PRSS3: variants seen among roughly 807,000 people sequenced by gnomAD.
The protein encoded by PRSS3 is serine protease 3, also known as trypsin-3.
A neutral mutation model predicts 20.8 loss-of-function variants in PRSS3; 14 were observed. That is an observed-to-expected ratio of 0.67 (90% CI 0.44 to 1.05). PRSS3 has a LOEUF of 1.05. Ranked by LOEUF, PRSS3 falls within the 50% of genes least tolerant of loss-of-function variation. The pLI is 0.00. For synonymous variants in PRSS3, 91 were observed against 117.6 expected (o/e 0.77, Z 1.46); for missense variants, 237 against 306.4 (o/e 0.77, Z 1.69).
chr9:33,757,762 C>T (rs1823019306), intron 1 of PRSS3, among the ~76,000 whole-genome samples: 1 of 152,142 alleles, frequency 6.6e-6, no homozygotes, highest in Admixed American at 6.5e-5. Context: ...CTTAAATTGA[C>T]CCTATTATCT....
chr9:33,781,415 T>C (rs1337795935), intron 1 of PRSS3, among the ~76,000 whole-genome samples: 2 of 152,126 alleles, frequency 1.3e-5, no homozygotes, highest in African/African-American at 4.8e-5. Flanking sequence ...CCTAAGTAAA[T>C]TAATGCAGGA....
At chr9:33,778,093 A>C (rs1187802958) in intron 1 of PRSS3, among the ~76,000 whole-genome samples, 1 of 152,140 alleles carries the variant, frequency 6.6e-6, no homozygotes, top group Non-Finnish European at 1.5e-5. Context: ...CATTTTAAAA[A>C]ATCTATTTGA....
intron 1 of PRSS3, among the ~76,000 whole-genome samples, chr9:33,764,002 G>T (rs981028035): frequency 6.6e-6 from 1 of 152,096 alleles, no homozygotes; most frequent in South Asian, 2.1e-4. Flanking sequence ...ATTTTTATGT[G>T]AATCATAATA....
chr9:33,781,974 C>T (rs537828805), intron 1 of PRSS3, among the ~76,000 whole-genome samples: 4 of 152,172 alleles, frequency 2.6e-5, no homozygotes, highest in African/African-American at 4.8e-5. Context: ...CAGTCAAGGA[C>T]CCCCTGGCTG....
chr9:33,751,020 G>A (rs1021035887), intron 1 of PRSS3, among the ~76,000 whole-genome samples: 1 of 152,146 alleles, frequency 6.6e-6, no homozygotes, highest in African/African-American at 2.4e-5. Context: ...CCGCCCCCGA[G>A]TGCCTATGTC....
chr9:33,781,175 A>G (rs1028718061), intron 1 of PRSS3, among the ~76,000 whole-genome samples: 6 of 152,246 alleles, frequency 3.9e-5, no homozygotes, highest in African/African-American at 1.4e-4. Flanking sequence ...TCCACCTAGC[A>G]ATCCCATTAT....
intron 3 of PRSS3, 80 bp from the exon 4 acceptor site, chr9:33,798,406 T>G: frequency 6.3e-7 from 1 of 1,585,516 alleles, no homozygotes; most frequent in Non-Finnish European, 8.7e-7. Context: ...TCCTCTTCAA[T>G]GTTCCATCCC....
chr9:33,789,244 C>T (rs1433549663), intron 1 of PRSS3, among the ~76,000 whole-genome samples: 5 of 152,136 alleles, frequency 3.3e-5, no homozygotes, highest in Non-Finnish European at 7.4e-5. Flanking sequence ...TCTTTAAATA[C>T]TGGAGTAAAA....
intron 1 of PRSS3, among the ~76,000 whole-genome samples, chr9:33,766,711 T>A (rs1823447772): frequency 6.6e-6 from 1 of 152,012 alleles, no homozygotes. Flanking sequence ...CTGTCTAAAT[T>A]AGGCAAATCC....
intron 1 of PRSS3, among the ~76,000 whole-genome samples, chr9:33,771,024 G>T (rs2118902930): frequency 6.6e-6 from 1 of 152,302 alleles, no homozygotes; most frequent in Middle Eastern, 3.4e-3. Flanking sequence ...GTGGCTGCCT[G>T]CTGGACACCC....
rs189108040 is a variant in PRSS3, at chr9:33,780,546, C to T, written c.-52-14200C>T. Among the ~76,000 whole-genome samples, 9 of 152,200 alleles carry T rather than the reference C, an allele frequency of 5.9e-5. No homozygotes were observed. In the East Asian group the frequency reaches 9.7e-4, roughly 16 times the overall value. On this transcript the variant is annotated intron_variant, in intron 1 of 5. Coordinates refer to the PRSS3 transcript ENST00000342836. Reference sequence around the variant, plus strand: ...CAACATGGGTATGAAATCAAAATCACACCTATCAATACTAATCTTGAATAT... The same window carrying T: ...CAACATGGGTATGAAATCAAAATCATACCTATCAATACTAATCTTGAATAT...
In PRSS3 at chr9:33,752,199, C is replaced by T. The variant is rs566740760; in HGVS notation, c.-53+1472C>T. Among the ~76,000 whole-genome samples the T allele has an allele frequency of 3.3e-5, 5 of 152,312 alleles. No individual in the cohort carries two copies. In the South Asian group the frequency reaches 1.0e-3, roughly 32 times the overall value. ...ATTTATTCCGTGAGTTCCTCCCGCA[C>T]CCTTCTGGTTGATGTTGGTTGTGAT... On this transcript the variant is annotated intron_variant, in intron 1 of 5. Coordinates refer to the PRSS3 transcript ENST00000342836.
chr9:33,773,366 A>G (rs1765310), intron 1 of PRSS3, among the ~76,000 whole-genome samples: 149,884 of 152,264 alleles, frequency 0.98, 73,812 homozygotes, highest in East Asian at 1. Flanking sequence ...CATAGCAGCA[A>G]ATCAGCCAGG....
intron 1 of PRSS3, among the ~76,000 whole-genome samples, chr9:33,783,036 C>T (rs904187712): frequency 2.6e-5 from 4 of 152,134 alleles, no homozygotes; most frequent in Non-Finnish European, 5.9e-5. Context: ...ATTCCACTGC[C>T]ACAAAAGGGA....
intron 1 of PRSS3, among the ~76,000 whole-genome samples, chr9:33,774,891 C>T (rs1823856304): frequency 6.6e-6 from 1 of 152,044 alleles, no homozygotes; most frequent in Non-Finnish European, 1.5e-5. Context: ...AAGGCTGAGG[C>T]AGGAGAATCG....
upstream of PRSS3, chr9:33,793,577 A>T (rs971429710): frequency 3.1e-6 from 2 of 639,648 alleles, no homozygotes; most frequent in African/African-American, 4.0e-5. Flanking sequence ...TATTTCTGCC[A>T]GGAAGAAAAG....
At chr9:33,792,023 C>T (rs1480685851), upstream of PRSS3, among the ~76,000 whole-genome samples, 2 of 152,118 alleles carry the variant, frequency 1.3e-5, no homozygotes, top group African/African-American at 4.8e-5. Flanking sequence ...TCATGCTCTG[C>T]GACTCCATAT....
intron 1 of PRSS3, among the ~76,000 whole-genome samples, chr9:33,772,033 A>G (rs1180369756): frequency 6.6e-6 from 1 of 151,564 alleles, no homozygotes; most frequent in Non-Finnish European, 1.5e-5. Flanking sequence ...CACCATGCCC[A>G]GCTCATTTTT....
intron 1 of PRSS3, among the ~76,000 whole-genome samples, chr9:33,775,212 C>G (rs1421856803): frequency 6.6e-6 from 1 of 152,096 alleles, no homozygotes; most frequent in Non-Finnish European, 1.5e-5. Context: ...GATCTTTAGG[C>G]AAGTAGGAGA....
Sources: allele counts gnomAD v4.1 joint callset (sites outside exome capture counted in the v4.1 genomes callset), GRCh38; gene constraint gnomAD v4.1.1; transcripts MANE v1.5; gene names NCBI Gene and HGNC (gene_info 2026-07-23, HGNC 2026-07-21).